NRXN1: variants seen among roughly 807,000 people sequenced by gnomAD.
NRXN1 encodes the protein neurexin 1.
Under a neutral mutation model 150.9 loss-of-function variants are expected in NRXN1, and 39 were observed. That is an observed-to-expected ratio of 0.26 (90% CI 0.20 to 0.34). The LOEUF is 0.34. Among genes scored for constraint, NRXN1 ranks in the 10% least tolerant of loss-of-function variants. The pLI is 1.00. For missense variants in NRXN1, 1,815 were observed against 1,949.9 expected (o/e 0.93, Z 1.30); for synonymous variants, 924 against 757.0 (o/e 1.22, Z -3.62).
chr2:50,917,883 C>T (rs1174917511), intron 5 of NRXN1: 4 of 151,432 alleles, frequency 2.6e-5, no homozygotes, highest in African/African-American at 4.8e-5. Context: ...ACACCAAATG[C>T]TTTATTCTTT....
In NRXN1 at chr2:50,123,701, A is replaced by C. The variant is rs72878149; in HGVS notation, c.3547-32207T>G. 1.4e-4 allele frequency among the ~76,000 whole-genome samples: 22 copies of C among 152,232 alleles called. No homozygotes were observed. In the Middle Eastern group the frequency reaches 0.017, roughly 118 times the overall value. On this transcript the variant is annotated intron_variant, in intron 18 of 22. Transcript: ENST00000401669. ...TATTGAATTTTAATTATAATCAAGC[A>C]CATTATGGTAGAGGCAATGAGATTT...
intron 18 of NRXN1, among the ~76,000 whole-genome samples, chr2:50,231,041 G>C (rs9309179): frequency 6.6e-6 from 1 of 151,824 alleles, no homozygotes; most frequent in Admixed American, 6.6e-5. Context: ...AAGCTACCTC[G>C]TGATACGGCA....
intron 2 of NRXN1, among the ~76,000 whole-genome samples, chr2:51,026,838 G>C (rs918382520): frequency 1.3e-5 from 2 of 152,196 alleles, no homozygotes; most frequent in African/African-American, 2.4e-5. Context: ...GGATATAACA[G>C]TGGAAACCAA....
intron 5 of NRXN1, among the ~76,000 whole-genome samples, chr2:50,875,693 C>T (rs1421818893): frequency 6.6e-6 from 1 of 151,670 alleles, no homozygotes; most frequent in Non-Finnish European, 1.5e-5. Flanking sequence ...AAGCAGAGAC[C>T]AACAGAACCA....
In NRXN1 at chr2:50,918,640, A is replaced by C. The variant is rs970089480; in HGVS notation, c.832+3229T>G. ...TCATTCATTTCTGATAAGCCATTAA[A>C]GTAAAATATAAATAAACAATCAAAG... On this transcript the variant is annotated intron_variant, in intron 5 of 22. Coordinates refer to ENST00000401669, the MANE Select transcript of NRXN1 (RefSeq NM_001330078.2). The C allele has an allele frequency of 1.4e-5, 5 of 369,254 alleles. No individual in the cohort carries two copies. In the Admixed American group the frequency reaches 2.3e-4, roughly 17 times the overall value. 22.9% of individuals were successfully genotyped at this position (369,254 alleles called of 1,614,324 possible). A position where few individuals can be genotyped will look rare whatever the true frequency, so the allele number is the denominator to read the frequency against.
intron 17 of NRXN1, among the ~76,000 whole-genome samples, chr2:50,411,855 T>C (rs1300531709): frequency 6.6e-6 from 1 of 152,188 alleles, no homozygotes; most frequent in Admixed American, 6.5e-5. Context: ...ATGACGATGG[T>C]GGTTTTGTCA....
chr2:51,001,541 C>T (rs1700079964), intron 2 of NRXN1, among the ~76,000 whole-genome samples: 1 of 151,856 alleles, frequency 6.6e-6, no homozygotes, highest in South Asian at 2.1e-4. Context: ...TACTGAGCTC[C>T]CCTAAAGGGA....
chr2:50,426,532 A>T (rs1199504367), intron 17 of NRXN1, among the ~76,000 whole-genome samples: 1 of 152,214 alleles, frequency 6.6e-6, no homozygotes, highest in African/African-American at 2.4e-5. Flanking sequence ...CACACCTCCC[A>T]GTACATGGTG....
chr2:50,708,664 A>G (rs1694757039), intron 5 of NRXN1, among the ~76,000 whole-genome samples: 1 of 152,142 alleles, frequency 6.6e-6, no homozygotes, highest in African/African-American at 2.4e-5. Flanking sequence ...AACCCAATAA[A>G]GTGTGATGGG....
intron 12 of NRXN1, among the ~76,000 whole-genome samples, chr2:50,513,277 A>G (rs1004337225): frequency 1.1e-4 from 16 of 152,306 alleles, no homozygotes; most frequent in Admixed American, 1.3e-4. Context: ...CAAAGGATCT[A>G]CCATTAAAAA....
intron 21 of NRXN1, among the ~76,000 whole-genome samples, chr2:49,956,396 G>GA (rs1674950777): frequency 6.6e-6 from 1 of 152,114 alleles, no homozygotes; most frequent in Admixed American, 6.6e-5. Context: ...AACTTTTTTG[G>GA]AAAATGTGAC....
At chr2:50,106,743 A>C (rs1006035180) in intron 18 of NRXN1, among the ~76,000 whole-genome samples, 11 of 149,896 alleles carry the variant, frequency 7.3e-5, no homozygotes, top group African/African-American at 2.4e-4. Flanking sequence ...TATTTTATGC[A>C]AAAAAAACCC....
Position 50,191,507 on chromosome 2 carries a change from C to A in NRXN1, c.3546+45282G>T, listed in dbSNP as rs533056909. Among the ~76,000 whole-genome samples the A allele has an allele frequency of 2.0e-5, 3 of 151,530 alleles. No homozygotes were observed. In the East Asian group the frequency reaches 5.9e-4, roughly 30 times the overall value. On this transcript the variant is annotated intron_variant, in intron 18 of 22. Coordinates refer to ENST00000401669, the MANE Select transcript of NRXN1 (RefSeq NM_001330078.2). Reference sequence around the variant, plus strand: ...TATGTGTAGATATATGTGGCCACCACCACAGTTAAAATACAGAACTGATTC... The same window carrying A: ...TATGTGTAGATATATGTGGCCACCAACACAGTTAAAATACAGAACTGATTC...
chr2:50,570,424 CTTA>C (rs532696806), intron 8 of NRXN1, among the ~76,000 whole-genome samples: 31 of 152,262 alleles, frequency 2.0e-4, no homozygotes, highest in African/African-American at 7.5e-4. Context: ...GAATTAATTT[CTTA>C]TAAGTATCGT....
rs568840408 is a variant in NRXN1, at chr2:50,163,015, G to A, written c.3547-71521C>T. The stretch of plus-strand genomic sequence containing the variant: ...ACTTTGCTTGTTTTCCAAAGTCTCT[G>A]GAGATATTCTTGTAAGACAAATTTA... On this transcript the variant is annotated intron_variant, in intron 18 of 22. Coordinates refer to ENST00000401669, the MANE Select transcript of NRXN1 (RefSeq NM_001330078.2). Among the ~76,000 whole-genome samples, 22 of 151,524 alleles carry A rather than the reference G, an allele frequency of 1.5e-4. 1 individual carries two copies. Among genetic ancestry groups the A allele is most frequent in the African/African-American group, 5.3e-4 (22 of 41,376 alleles).
At chr2:50,038,153 A>G (rs1294436537) in intron 21 of NRXN1, among the ~76,000 whole-genome samples, 1 of 152,254 alleles carries the variant, frequency 6.6e-6, no homozygotes, top group East Asian at 1.9e-4. Flanking sequence ...AGATTAGCAG[A>G]AAATATACAT....
chr2:50,174,051 T>C (rs979678326), intron 18 of NRXN1, among the ~76,000 whole-genome samples: 3 of 152,138 alleles, frequency 2.0e-5, no homozygotes, highest in Non-Finnish European at 4.4e-5. Context: ...TAAAAAAAAT[T>C]GATTTATATC....
intron 5 of NRXN1, among the ~76,000 whole-genome samples, chr2:50,903,197 T>C (rs971068041): frequency 6.6e-5 from 10 of 152,244 alleles, no homozygotes; most frequent in African/African-American, 2.2e-4. Flanking sequence ...ATAAGTAAGA[T>C]ACTGGAATTG....
intron 17 of NRXN1, among the ~76,000 whole-genome samples, chr2:50,256,215 A>G (rs546791085): frequency 7.9e-5 from 12 of 152,290 alleles, no homozygotes; most frequent in Middle Eastern, 6.8e-3. Flanking sequence ...CATAACATGG[A>G]GAGCTTTCTG....
Sources: gnomAD v4.1 joint callset for allele counts (sites outside exome capture counted in the v4.1 genomes callset) on GRCh38, gnomAD v4.1.1 for gene constraint, MANE v1.5 for transcripts, NCBI Gene and HGNC (gene_info 2026-07-23, HGNC 2026-07-21) for gene names.